Variants in EFTUD2 observed in about 807,000 individuals in gnomAD.
EFTUD2 encodes 116 kDa U5 small nuclear ribonucleoprotein component.
A neutral mutation model predicts 114.3 loss-of-function variants in EFTUD2; 9 were observed. The observed-to-expected ratio is 0.08, with a 90% CI of 0.05 to 0.14. The LOEUF (loss-of-function observed/expected upper bound fraction) is 0.14, where lower values mean the gene tolerates loss of function less well. EFTUD2 is among the 10% of genes least tolerant of loss of function. The pLI is 1.00. For missense variants in EFTUD2, 765 were observed against 1,241.2 expected, an observed-to-expected ratio of 0.62 and a Z score of 5.76; for synonymous variants, 449 against 462.3, an observed-to-expected ratio of 0.97 and a Z score of 0.37.
intron 20 of EFTUD2, among the ~76,000 whole-genome samples, chr17:44,856,758 CAA>C (rs551023404): frequency 4.8e-5 from 6 of 124,788 alleles, no homozygotes; most frequent in Non-Finnish European, 5.2e-5. Context: ...CAGCCTGTGT[CAA>C]AAAAAAAAAA....
rs1469686952 is a variant in EFTUD2, at chr17:44,876,089, G to A, written c.714C>T (p.Asn238=). Residue 238 remains asparagine (N), a synonymous_variant, in exon 10 of 28, where the codon AAC becomes AAT. Coordinates refer to ENST00000426333, the MANE Select transcript of EFTUD2 (RefSeq NM_004247.4). ...FIDAAEGVML[N]TERLIKHAVQ... ...CCGCATGCTTGATCAGCCGCTCTGT[G>A]TTCAGCATCACCTGAGAAAAACAAG... The A allele has an allele frequency of 1.2e-6, 2 of 1,612,478 alleles. No individual in the cohort carries two copies. Among genetic ancestry groups the A allele is most frequent in the Non-Finnish European group, 1.7e-6 (2 of 1,179,016 alleles).
chr17:44,890,476 T>C (rs1029307772), intron 2 of EFTUD2, among the ~76,000 whole-genome samples: 33 of 151,480 alleles, frequency 2.2e-4, no homozygotes, highest in African/African-American at 7.5e-4. Context: ...GCAGATCACC[T>C]AAGGTTGGGA....
chr17:44,889,865 A>G (rs572829498), intron 2 of EFTUD2, among the ~76,000 whole-genome samples: 1 of 152,342 alleles, frequency 6.6e-6, no homozygotes, highest in Non-Finnish European at 1.5e-5. Flanking sequence ...ACTGCTGAAT[A>G]TATTATGAAT....
intron 16 of EFTUD2, among the ~76,000 whole-genome samples, chr17:44,860,930 C>T (rs1308364764): frequency 2.6e-5 from 4 of 152,046 alleles, no homozygotes; most frequent in Admixed American, 6.6e-5. Context: ...GTACTTGCTG[C>T]GTGCCAAGAG....
chr17:44,858,516 T>G (rs369784622), intron 19 of EFTUD2, among the ~76,000 whole-genome samples: 13 of 152,286 alleles, frequency 8.5e-5, no homozygotes, highest in Admixed American at 2.6e-4. Context: ...TGGAGAGCAA[T>G]GGCACAATCA....
chr17:44,872,505 G>C lies in EFTUD2; in HGVS notation c.935C>G (p.Ser312Cys), dbSNP rs1379690328. 2.5e-6 allele frequency: 4 copies of C among 1,613,522 alleles called. No homozygotes were observed. In the Admixed American group the frequency reaches 6.7e-5, roughly 27 times the overall value. ...PLLGNVCFSS[S>C]QYSICFTLGS... ...CAGCGTGAAGCAGATGCTGTACTGG[G>C]AGCTGGAGAAGCAGACGTTACCCAG... The change falls in exon 11 of 28, where the codon TCC (serine) becomes TGC (cysteine). Residue 312 changes from serine (S) to cysteine (C), a missense_variant. Ser to Cys is a moderately radical substitution (Grantham distance 112). Around this residue, in one of 6 missense-constraint regions of EFTUD2, gnomAD observed 251 missense variants for 357.7 expected, o/e 0.70. Coordinates refer to ENST00000426333, the MANE Select transcript of EFTUD2 (RefSeq NM_004247.4).
At chr17:44,877,414 G>C (rs78394786) in intron 9 of EFTUD2, among the ~76,000 whole-genome samples, 5,835 of 152,280 alleles carry the variant, frequency 0.038, 196 homozygotes, top group South Asian at 0.13. Flanking sequence ...CATAAGGACA[G>C]TAACAGATTA....
In EFTUD2 at chr17:44,850,934, T is replaced by G. The variant is rs146260271; in HGVS notation, c.*340A>C. The G allele has an allele frequency of 4.5e-4, 143 of 320,792 alleles. No individual in the cohort carries two copies. Among genetic ancestry groups the G allele is most frequent in the Non-Finnish European group, 7.5e-4 (127 of 168,318 alleles). 19.9% of individuals were successfully genotyped at this position (320,792 alleles called of 1,614,324 possible). A position where few individuals can be genotyped will look rare whatever the true frequency, so the allele number is the denominator to read the frequency against. ...CAGAGGTCAGAATGTTCTGTTCACT[T>G]GCAAACCATGGCTAAGGTCAAACTT... On this transcript the variant is annotated 3_prime_UTR_variant, in exon 28 of 28. Coordinates refer to ENST00000426333, the MANE Select transcript of EFTUD2 (RefSeq NM_004247.4).
intron 13 of EFTUD2, among the ~76,000 whole-genome samples, chr17:44,865,888 T>C (rs2050738840): frequency 6.6e-6 from 1 of 151,958 alleles, no homozygotes; most frequent in Non-Finnish European, 1.5e-5. Context: ...CACGGCTCAC[T>C]GCAACCTCCA....
intron 10 of EFTUD2, among the ~76,000 whole-genome samples, chr17:44,873,423 A>C (rs1301259863): frequency 6.7e-6 from 1 of 149,518 alleles, no homozygotes; most frequent in Non-Finnish European, 1.5e-5. Flanking sequence ...TGGTACAATC[A>C]CCATTCACTG....
intron 10 of EFTUD2, 115 bp from the exon 11 acceptor site, chr17:44,872,685 T>G: frequency 1.5e-6 from 2 of 1,337,342 alleles, no homozygotes; most frequent in Non-Finnish European, 2.0e-6. Context: ...GGAAGGGACT[T>G]GTGCAAGACA....
chr17:44,869,373 C>T (rs1375596278), intron 11 of EFTUD2, among the ~76,000 whole-genome samples: 2 of 152,132 alleles, frequency 1.3e-5, no homozygotes, highest in Non-Finnish European at 2.9e-5. Context: ...ACCTTGGCTC[C>T]CTGCAGCCTC....
intron 11 of EFTUD2, among the ~76,000 whole-genome samples, chr17:44,871,706 G>A (rs568778496): frequency 3.9e-5 from 6 of 152,170 alleles, no homozygotes; most frequent in South Asian, 4.2e-4. Context: ...CTAAGAGTGC[G>A]GCAGGACAAC....
chr17:44,866,952 TAA>T (rs931862758), intron 13 of EFTUD2, among the ~76,000 whole-genome samples: 44 of 152,060 alleles, frequency 2.9e-4, no homozygotes, highest in African/African-American at 1.0e-3. Context: ...CAAAATTTTT[TAA>T]AAGTTAGCCA....
intron 1 of EFTUD2, among the ~76,000 whole-genome samples, chr17:44,897,031 A>G (rs2051398926): frequency 1.3e-5 from 2 of 152,064 alleles, no homozygotes; most frequent in African/African-American, 2.4e-5. Context: ...CCTGGCTAAC[A>G]CGGTGAAACC....
At chr17:44,889,453 G>T (rs1337615971) in intron 2 of EFTUD2, among the ~76,000 whole-genome samples, 3 of 152,212 alleles carry the variant, frequency 2.0e-5, no homozygotes, top group Non-Finnish European at 4.4e-5. Context: ...GTATGCTGAT[G>T]GGGATGATCC....
chr17:44,888,111 G>A (rs1418845566), intron 2 of EFTUD2, among the ~76,000 whole-genome samples: 1 of 152,230 alleles, frequency 6.6e-6, no homozygotes, highest in East Asian at 1.9e-4. Context: ...AACAGCGAAT[G>A]CAAAGGCCCA....
At chr17:44,875,790 CAG>C (rs1371485286) in intron 10 of EFTUD2, 142 bp downstream of exon 10, 3 of 886,146 alleles carry the variant, frequency 3.4e-6, no homozygotes, top group Admixed American at 4.5e-5. Context: ...TCAACCCCTG[CAG>C]AGTCCCAGGA....
At chr17:44,876,216 C>A in intron 9 of EFTUD2, 116 bp from the exon 10 acceptor site, 2 of 1,224,240 alleles carry the variant, frequency 1.6e-6, no homozygotes, top group Non-Finnish European at 2.2e-6. Flanking sequence ...AAAAAGACCT[C>A]GGGAAATATT....
Sources: allele counts gnomAD v4.1 joint callset (sites outside exome capture counted in the v4.1 genomes callset), GRCh38; gene constraint gnomAD v4.1.1; regional missense constraint gnomAD v4.1.1; transcripts MANE v1.5; gene names NCBI Gene and HGNC (gene_info 2026-07-23, HGNC 2026-07-21).